Variants in DCDC1 observed in about 807,000 individuals in gnomAD.
The protein encoded by DCDC1 is doublecortin domain containing 1, also known as doublecortin domain-containing protein 1.
DCDC1 carries 200 observed loss-of-function variants against 178.3 expected under a neutral mutation model. The ratio of observed to expected loss-of-function variants is 1.12; its 90% CI spans 1.00 to 1.26. The LOEUF (loss-of-function observed/expected upper bound fraction) is 1.26, where lower values mean the gene tolerates loss of function less well. Ranked by LOEUF, DCDC1 falls within the 50% of genes most tolerant of loss-of-function variation. The pLI is 0.00. For synonymous variants in DCDC1, 690 were observed against 604.8 expected (o/e 1.14, Z -2.07); for missense variants, 1,983 against 1,749.2 (o/e 1.13, Z -2.38).
intron 6 of DCDC1, among the ~76,000 whole-genome samples, chr11:31,291,860 G>A (rs1235151742): frequency 6.6e-6 from 1 of 151,956 alleles, no homozygotes; most frequent in African/African-American, 2.4e-5. Flanking sequence ...CACTCACCTT[G>A]AAAGAAGCTT....
intron 8 of DCDC1, among the ~76,000 whole-genome samples, chr11:31,253,145 GTTAATA>G (rs1944169193): frequency 6.6e-6 from 1 of 152,148 alleles, no homozygotes; most frequent in Non-Finnish European, 1.5e-5. Context: ...ACAAAAAGCA[GTTAATA>G]GTGAGTAATT....
At chr11:31,119,507 G>A (rs935618390) in intron 11 of DCDC1, among the ~76,000 whole-genome samples, 2 of 152,060 alleles carry the variant, frequency 1.3e-5, no homozygotes, top group Non-Finnish European at 2.9e-5. Flanking sequence ...ATCAAGGAAT[G>A]TACAATGGAA....
At chr11:30,958,376 T>C (rs1439546209) in intron 20 of DCDC1, among the ~76,000 whole-genome samples, 3 of 152,122 alleles carry the variant, frequency 2.0e-5, no homozygotes, top group Admixed American at 6.6e-5. Context: ...TCAGAATGTT[T>C]ATATATTGAC....
chr11:31,114,906 A>G (rs1412770824), intron 11 of DCDC1, among the ~76,000 whole-genome samples: 1 of 152,164 alleles, frequency 6.6e-6, no homozygotes, highest in Non-Finnish European at 1.5e-5. Flanking sequence ...GAGTATTAAC[A>G]ATTGACATGC....
chr11:31,355,087 A>G (rs1428334115), intron 1 of DCDC1, among the ~76,000 whole-genome samples: 2 of 152,194 alleles, frequency 1.3e-5, no homozygotes, highest in African/African-American at 4.8e-5. Context: ...ATGAATTGAA[A>G]GGATTTTCTA....
chr11:31,127,362 A>G, intron 11 of DCDC1, 107 bp downstream of exon 11: 1 of 535,672 alleles, frequency 1.9e-6, no homozygotes, highest in Non-Finnish European at 3.3e-6. Flanking sequence ...GAGGAAGACA[A>G]CATTAAAAGA....
Position 31,241,468 on chromosome 11 carries a change from T to A in DCDC1, c.1203A>T (p.Ala401=). ...LLALYQRLKS[A]KKYYKQLNLV... is the part of the protein sequence containing the mutation. ...GACTCACCTGTTTATAATATTTTTT[T>A]GCAGACTTTAATCGTTGGTACAGGG... Residue 401 remains alanine (A), a synonymous_variant, in exon 9 of 39, where the codon GCA becomes GCT. Transcript: ENST00000684477. The A allele has an allele frequency of 2.5e-6, 1 of 397,260 alleles. No homozygotes were observed. Among genetic ancestry groups the A allele is most frequent in the Non-Finnish European group, 4.4e-6 (1 of 224,794 alleles). The allele number at this position is 397,260 out of a possible 1,614,324, so 24.6% of individuals were successfully genotyped here.
intron 20 of DCDC1, among the ~76,000 whole-genome samples, chr11:31,016,779 T>C (rs987550166): frequency 3.3e-5 from 5 of 152,124 alleles, no homozygotes; most frequent in African/African-American, 9.7e-5. Context: ...TCCCCAGAGA[T>C]TGTGTTTTAC....
chr11:31,309,546 C>A (rs1228999312), intron 3 of DCDC1, among the ~76,000 whole-genome samples: 1 of 151,988 alleles, frequency 6.6e-6, no homozygotes, highest in East Asian at 1.9e-4. Flanking sequence ...TGGGGGAAGA[C>A]CAGTAAACAG....
chr11:30,917,297 T>C (rs1264993370), intron 25 of DCDC1, among the ~76,000 whole-genome samples: 1 of 152,200 alleles, frequency 6.6e-6, no homozygotes, highest in East Asian at 1.9e-4. Flanking sequence ...GGACTATGTA[T>C]TGTATTTCAA....
In DCDC1 at chr11:30,945,067, C is replaced by T. The variant is rs778407066; in HGVS notation, c.2715+7378G>A. 5.2e-5 allele frequency among the ~76,000 whole-genome samples: 7 copies of T among 134,312 alleles called. No homozygotes were observed. In the Middle Eastern group the frequency reaches 0.015, roughly 285 times the overall value. The allele number at this position is 134,312 out of a possible 152,430, so 88.1% of individuals were successfully genotyped here. A position where few individuals can be genotyped will look rare whatever the true frequency, so the allele number is the denominator to read the frequency against. ...CACTGCAACCTCTGCCTCCTGGGTT[C>T]AAGCAATTCTCCTGCCTCAGCCTCC... On this transcript the variant is annotated intron_variant, in intron 21 of 38. Transcript: ENST00000684477.
intron 20 of DCDC1, among the ~76,000 whole-genome samples, chr11:30,960,285 A>T (rs1400024558): frequency 6.6e-6 from 1 of 152,280 alleles, no homozygotes; most frequent in East Asian, 1.9e-4. Flanking sequence ...TGCAGTGCCT[A>T]TATAACTTCA....
chr11:30,948,706 C>T (rs1948218272), intron 21 of DCDC1, among the ~76,000 whole-genome samples: 1 of 152,166 alleles, frequency 6.6e-6, no homozygotes, highest in African/African-American at 2.4e-5. Flanking sequence ...CACCACACAT[C>T]TAAAACCATC....
At chr11:31,323,783 C>A (rs527856071) in intron 3 of DCDC1, among the ~76,000 whole-genome samples, 1 of 151,950 alleles carries the variant, frequency 6.6e-6, no homozygotes, top group Non-Finnish European at 1.5e-5. Flanking sequence ...AAAGAAATAA[C>A]CCCACTTATG....
chr11:31,030,528 C>T (rs1264757605), intron 20 of DCDC1, among the ~76,000 whole-genome samples: 1 of 152,130 alleles, frequency 6.6e-6, no homozygotes. Flanking sequence ...TGCAATAAGC[C>T]TGGGCCCCCA....
chr11:30,870,347 C>G (rs1941420013), intron 38 of DCDC1, among the ~76,000 whole-genome samples: 1 of 152,084 alleles, frequency 6.6e-6, no homozygotes, highest in Non-Finnish European at 1.5e-5. Flanking sequence ...TAACACTGCT[C>G]CATGGGTGTC....
chr11:31,315,945 G>A (rs1949086415), intron 3 of DCDC1, among the ~76,000 whole-genome samples: 1 of 112,286 alleles, frequency 8.9e-6, no homozygotes, highest in Non-Finnish European at 1.7e-5. Context: ...TGAGAATGAT[G>A]GTTTCCAATT....
intron 37 of DCDC1, among the ~76,000 whole-genome samples, chr11:30,880,454 T>C (rs1179039922): frequency 6.6e-6 from 1 of 152,204 alleles, no homozygotes; most frequent in Non-Finnish European, 1.5e-5. Context: ...AACATAGTAA[T>C]AATAATTTTA....
At chr11:30,900,634 G>A in intron 32 of DCDC1, 136 bp from the exon 33 acceptor site, 2 of 818,880 alleles carry the variant, frequency 2.4e-6, no homozygotes, top group Non-Finnish European at 1.7e-6. Context: ...CAAAATCAGA[G>A]ACTAATGCAT....
Sources: allele counts gnomAD v4.1 joint callset (sites outside exome capture counted in the v4.1 genomes callset), GRCh38; gene constraint gnomAD v4.1.1; transcripts MANE v1.5; gene names NCBI Gene and HGNC (gene_info 2026-07-23, HGNC 2026-07-21).